The following COL25A1 variants were observed in gnomAD, a reference collection of about 807,000 sequenced individuals.
The protein encoded by COL25A1 is collagen alpha-1(XXV) chain.
COL25A1 carries 103 observed loss-of-function variants against 128.4 expected under a neutral mutation model. The observed-to-expected ratio is 0.80, with a 90% CI of 0.68 to 0.94. The LOEUF (loss-of-function observed/expected upper bound fraction) is 0.94, where lower values mean the gene tolerates loss of function less well. COL25A1 is among the 40% of genes least tolerant of loss of function. The pLI, the probability that COL25A1 is intolerant of heterozygous loss-of-function variation, is 0.00. For missense variants in COL25A1, 745 were observed against 840.0 expected (o/e 0.89, Z 1.40); for synonymous variants, 279 against 277.2 (o/e 1.01, Z -0.06).
chr4:109,001,381 G>GAGATCCTGTCAGGTAGGCATCTC (rs1755363717), intron 6 of COL25A1, among the ~76,000 whole-genome samples: 2 of 152,186 alleles, frequency 1.3e-5, no homozygotes, highest in Non-Finnish European at 2.9e-5. Context: ...ACAGGCATCT[G>GAGATCCTGTCAGGTAGGCATCTC]AGATCCTGTC....
intron 5 of COL25A1, among the ~76,000 whole-genome samples, chr4:109,022,486 G>A (rs543225088): frequency 1.8e-4 from 28 of 152,316 alleles, no homozygotes; most frequent in South Asian, 6.2e-4. Flanking sequence ...GATGCATACC[G>A]CTTAGCCTAC....
chr4:108,926,906 G>T (rs1746125738), intron 11 of COL25A1, among the ~76,000 whole-genome samples: 1 of 151,980 alleles, frequency 6.6e-6, no homozygotes. Context: ...AAACTGTTGG[G>T]AAATGTTTAG....
At chr4:109,132,379 T>G (rs759738228) in intron 3 of COL25A1, among the ~76,000 whole-genome samples, 2 of 152,184 alleles carry the variant, frequency 1.3e-5, no homozygotes, top group Non-Finnish European at 2.9e-5. Context: ...TTACTTTCCT[T>G]GAACCCAATA....
chr4:108,884,330 TA>T (rs1263629835), intron 18 of COL25A1, 108 bp from the exon 19 acceptor site: 11 of 1,014,504 alleles, frequency 1.1e-5, no homozygotes, highest in Non-Finnish European at 1.6e-5. Flanking sequence ...CAAAGATAAA[TA>T]AAAAAACCGT....
intron 3 of COL25A1, among the ~76,000 whole-genome samples, chr4:109,079,803 C>T (rs868630437): frequency 1.5e-4 from 23 of 151,580 alleles, no homozygotes; most frequent in Middle Eastern, 6.8e-3. Context: ...TCTAAGAGTT[C>T]AAGCGAGTTA....
At chr4:109,241,585 A>AAG (rs1779898222) in intron 3 of COL25A1, among the ~76,000 whole-genome samples, 1 of 151,678 alleles carries the variant, frequency 6.6e-6, no homozygotes, top group South Asian at 2.1e-4. Flanking sequence ...TGGAGGAAAC[A>AAG]AGTCATGTGC....
intron 6 of COL25A1, among the ~76,000 whole-genome samples, chr4:108,984,376 C>T (rs1753407326): frequency 6.6e-6 from 1 of 152,238 alleles, no homozygotes; most frequent in Non-Finnish European, 1.5e-5. Context: ...CTGCCAGTCC[C>T]CCACAGTGCG....
At chr4:108,959,136 G>A (rs900328860) in intron 8 of COL25A1, among the ~76,000 whole-genome samples, 23 of 151,980 alleles carry the variant, frequency 1.5e-4, no homozygotes, top group Admixed American at 1.1e-3. Context: ...TTAAGTAAAT[G>A]GAACAGGTTG....
intron 3 of COL25A1, among the ~76,000 whole-genome samples, chr4:109,079,113 G>C (rs1019005818): frequency 2.6e-5 from 4 of 152,190 alleles, no homozygotes; most frequent in Non-Finnish European, 5.9e-5. Context: ...GGGAGTGAAA[G>C]AATGGTGTTA....
intron 20 of COL25A1, among the ~76,000 whole-genome samples, chr4:108,867,562 A>G (rs1003518033): frequency 6.6e-6 from 1 of 152,174 alleles, no homozygotes; most frequent in Non-Finnish European, 1.5e-5. Context: ...CCCCCCTAGG[A>G]CACACATAGT....
chr4:108,841,773 G>C (rs779550488), intron 30 of COL25A1, 52 bp from the exon 31 acceptor site: 1 of 1,378,264 alleles, frequency 7.3e-7, no homozygotes. Context: ...CTGTTTCCCA[G>C]CAAGAGTGAA....
chr4:109,176,820 G>A (rs935263875), intron 3 of COL25A1, among the ~76,000 whole-genome samples: 1 of 152,136 alleles, frequency 6.6e-6, no homozygotes, highest in Non-Finnish European at 1.5e-5. Flanking sequence ...AGAAGGCCAC[G>A]TGAAGAGAGA....
intron 3 of COL25A1, among the ~76,000 whole-genome samples, chr4:109,249,364 T>C (rs1780496313): frequency 6.6e-6 from 1 of 152,206 alleles, no homozygotes; most frequent in African/African-American, 2.4e-5. Flanking sequence ...GAACATAATG[T>C]AGTTCTTTGC....
chr4:109,027,791 A>C (rs930433931), intron 5 of COL25A1, among the ~76,000 whole-genome samples: 3 of 152,094 alleles, frequency 2.0e-5, no homozygotes, highest in Admixed American at 2.0e-4. Context: ...GACCAGAGCA[A>C]TTAGAGCAGT....
chr4:108,957,704 C>A (rs556135586), intron 8 of COL25A1, among the ~76,000 whole-genome samples: 2 of 152,274 alleles, frequency 1.3e-5, no homozygotes, highest in South Asian at 4.1e-4. Flanking sequence ...GCCTAGGACA[C>A]CCCGTAGAAG....
At chr4:108,913,583 C>T (rs956266324) in intron 13 of COL25A1, among the ~76,000 whole-genome samples, 3 of 152,072 alleles carry the variant, frequency 2.0e-5, no homozygotes, top group African/African-American at 7.2e-5. Context: ...ATGGCATTTG[C>T]ACAGTGTTGG....
At chr4:109,178,870 T>C (rs1774358668) in intron 3 of COL25A1, among the ~76,000 whole-genome samples, 2 of 146,424 alleles carry the variant, frequency 1.4e-5, no homozygotes, top group South Asian at 4.4e-4. Flanking sequence ...ATGGATTTCA[T>C]ATCACCTAGC....
At chr4:109,104,595 T>G (rs1579377677) in intron 3 of COL25A1, among the ~76,000 whole-genome samples, 2 of 91,578 alleles carry the variant, frequency 2.2e-5, no homozygotes, top group Admixed American at 9.9e-5. Context: ...CCTCTAACTC[T>G]TAACTACCAA....
At chr4:109,232,259 T>TG (rs1779209222) in intron 3 of COL25A1, among the ~76,000 whole-genome samples, 1 of 152,196 alleles carries the variant, frequency 6.6e-6, no homozygotes, top group South Asian at 2.1e-4. Context: ...TGGCACAATA[T>TG]ACTTAGAATT....
Sources: gnomAD v4.1 joint callset for allele counts (sites outside exome capture counted in the v4.1 genomes callset) on GRCh38, gnomAD v4.1.1 for gene constraint, MANE v1.5 for transcripts, NCBI Gene and HGNC (gene_info 2026-07-23, HGNC 2026-07-21) for gene names.